Variants in DBT observed in about 807,000 individuals in gnomAD.
The protein encoded by DBT is dihydrolipoamide branched chain transacylase E2.
A neutral mutation model predicts 51.3 loss-of-function variants in DBT; 40 were observed. The ratio of observed to expected loss-of-function variants is 0.78; its 90% CI spans 0.61 to 1.02. The LOEUF (loss-of-function observed/expected upper bound fraction) is 1.02. Among genes scored for constraint, DBT ranks in the 50% least tolerant of loss-of-function variants. DBT has a pLI of 0.00. For synonymous variants in DBT, 181 were observed against 190.4 expected (o/e 0.95, Z 0.41); for missense variants, 510 against 580.2 (o/e 0.88, Z 1.24).
intron 1 of DBT, among the ~76,000 whole-genome samples, chr1:100,246,133 G>C (rs1222075486): frequency 6.6e-6 from 1 of 151,472 alleles, no homozygotes; most frequent in African/African-American, 2.4e-5. Flanking sequence ...ATGGTGGCGC[G>C]TGCCTGCCCA....
intron 7 of DBT, among the ~76,000 whole-genome samples, chr1:100,211,293 C>T (rs1448731210): frequency 6.6e-6 from 1 of 152,204 alleles, no homozygotes; most frequent in Non-Finnish European, 1.5e-5. Context: ...GCTCAAGTCT[C>T]ACTGAATAGC....
At position 100,196,429 on chromosome 1, in the gene DBT, AT is replaced by A. The variant is rs1661097479; in HGVS notation, c.1282-8del. 1.5e-6 allele frequency: 1 copy of A among 676,038 alleles called. No homozygotes were observed. Among genetic ancestry groups the A allele is most frequent in the Non-Finnish European group, 2.0e-6 (1 of 492,772 alleles). 41.9% of individuals were successfully genotyped at this position (676,038 alleles called of 1,614,324 possible). On this transcript the variant is annotated splice_region_variant and splice_polypyrimidine_tract_variant and intron_variant, in intron 10 of 10. Coordinates refer to ENST00000370132, the MANE Select transcript of DBT (RefSeq NM_001918.5). Reference sequence around the variant, plus strand: ...GGTTAAATCGGGGAATGGCCTAGAAATGAAAAAAAAAAAAAAAAAAAAAAAA... The same window carrying A: ...GGTTAAATCGGGGAATGGCCTAGAAAGAAAAAAAAAAAAAAAAAAAAAAAA...
In DBT at chr1:100,225,039, A is replaced by AAAAT. The variant is rs1663090380; in HGVS notation, c.433+5693_433+5694insATTT. 1.8e-5 allele frequency among the ~76,000 whole-genome samples: 2 copies of AAAAT among 110,430 alleles called. 1 individual carries two copies. The highest frequency in any genetic ancestry group is 7.6e-5 in the African/African-American group (2 of 26,236). The allele number at this position is 110,430 out of a possible 152,430, so 72.4% of individuals were successfully genotyped here. A position where few individuals can be genotyped will look rare whatever the true frequency, so the allele number is the denominator to read the frequency against. On this transcript the variant is annotated intron_variant, in intron 4 of 10. Transcript: ENST00000370132. Reference sequence around the variant, plus strand: ...TCTCCCCCCAAAAAAAAAAAAAAAAAAAAATATATATATACACACACACAC... The same window carrying AAAAT: ...TCTCCCCCCAAAAAAAAAAAAAAAAAAAATAAAATATATATATACACACACACAC...
At chr1:100,211,868 C>T (rs1662166048) in intron 7 of DBT, among the ~76,000 whole-genome samples, 1 of 152,160 alleles carries the variant, frequency 6.6e-6, no homozygotes, top group Admixed American at 6.5e-5. Flanking sequence ...ACGTCCTTGG[C>T]TCGAGTGACC....
At chr1:100,204,774 C>T (rs775722180) in intron 10 of DBT, among the ~76,000 whole-genome samples, 21 of 151,954 alleles carry the variant, frequency 1.4e-4, no homozygotes, top group South Asian at 8.3e-4. Flanking sequence ...CCAATGGAAC[C>T]GCACAGGGGC....
intron 1 of DBT, among the ~76,000 whole-genome samples, chr1:100,244,374 G>A (rs912966621): frequency 2.0e-5 from 3 of 152,144 alleles, no homozygotes; most frequent in African/African-American, 7.2e-5. Flanking sequence ...TCAGTATAAG[G>A]AGTTTGAACT....
intron 8 of DBT, among the ~76,000 whole-genome samples, chr1:100,209,719 G>A (rs1012633891): frequency 2.6e-5 from 4 of 151,914 alleles, no homozygotes; most frequent in Non-Finnish European, 5.9e-5. Flanking sequence ...TGGCCACCAC[G>A]GCTGGCTAAT....
intron 10 of DBT, among the ~76,000 whole-genome samples, chr1:100,205,973 T>C (rs767014640): frequency 2.0e-4 from 30 of 151,000 alleles, no homozygotes; most frequent in Non-Finnish European, 4.0e-4. Flanking sequence ...AAATACCTAA[T>C]GTAGATGACG....
intron 4 of DBT, among the ~76,000 whole-genome samples, chr1:100,226,631 C>T (rs1438822764): frequency 6.6e-6 from 1 of 152,088 alleles, no homozygotes; most frequent in Non-Finnish European, 1.5e-5. Flanking sequence ...ATAGGAAGCA[C>T]CCCTAACGCC....
intron 8 of DBT, among the ~76,000 whole-genome samples, chr1:100,207,563 T>C (rs1436003746): frequency 6.6e-6 from 1 of 151,862 alleles, no homozygotes; most frequent in Non-Finnish European, 1.5e-5. Context: ...GGCTCATGCC[T>C]ATAATCCCAA....
chr1:100,208,480 A>C (rs948593406), intron 8 of DBT, among the ~76,000 whole-genome samples: 1 of 152,226 alleles, frequency 6.6e-6, no homozygotes, highest in South Asian at 2.1e-4. Flanking sequence ...ATACACAGGG[A>C]TGTTGAGTAC....
chr1:100,225,345 A>G (rs4536026), intron 4 of DBT, among the ~76,000 whole-genome samples: 120,584 of 151,726 alleles, frequency 0.79, 49,295 homozygotes, highest in East Asian at 0.95. Context: ...GAGTGGTGGG[A>G]TCTGGCTTCT....
chr1:100,189,692 TCA>T lies in DBT; in HGVS notation c.*6561_*6562del, dbSNP rs1243901806. 1 of 152,202 alleles carries T rather than the reference TCA, an allele frequency of 6.6e-6. No individual in the cohort carries two copies. The highest frequency in any genetic ancestry group is 6.5e-5 in the Admixed American group (1 of 15,270). 9.4% of individuals were successfully genotyped at this position (152,202 alleles called of 1,614,324 possible). ...AGAAGGAGCAAGACAGGAAATTTAT[TCA>T]TTTAGTGGCAGTCAGAGGTAACAAT... On this transcript the variant is annotated 3_prime_UTR_variant, in exon 11 of 11. Coordinates refer to ENST00000370132, the MANE Select transcript of DBT (RefSeq NM_001918.5).
At position 100,197,623 on chromosome 1, in the gene DBT, A is replaced by G. The variant is rs183753362; in HGVS notation, c.1282-1201T>C. 3.7e-4 allele frequency among the ~76,000 whole-genome samples: 56 copies of G among 152,324 alleles called. No individual in the cohort carries two copies. The East Asian group carries it at 8.7e-3, about 24-fold the overall frequency. On this transcript the variant is annotated intron_variant, in intron 10 of 10. Transcript: ENST00000370132. Reference sequence around the variant, plus strand: ...TCCTGGGGTGCTTCCATGTGCAGAGATTAGGAACATTAGGAGGTATGGGTA... The same window carrying G: ...TCCTGGGGTGCTTCCATGTGCAGAGGTTAGGAACATTAGGAGGTATGGGTA...
chr1:100,245,310 A>G (rs939127377), intron 1 of DBT, among the ~76,000 whole-genome samples: 16 of 151,152 alleles, frequency 1.1e-4, no homozygotes, highest in African/African-American at 3.9e-4. Context: ...TCAGTCTCCC[A>G]GAATGCTAGG....
At chr1:100,244,571 A>G (rs1265554276) in intron 1 of DBT, among the ~76,000 whole-genome samples, 2 of 152,192 alleles carry the variant, frequency 1.3e-5, no homozygotes, top group East Asian at 3.8e-4. Context: ...CCTTATGTGC[A>G]GTGGACACGT....
chr1:100,225,826 CAA>C (rs71084809), intron 4 of DBT, among the ~76,000 whole-genome samples: 2 of 86,894 alleles, frequency 2.3e-5, no homozygotes, highest in Admixed American at 1.6e-4. Flanking sequence ...CTCCATCTCA[CAA>C]AAAAAAAAAA....
At chr1:100,213,291 CCATGGACCACAAGA>C in intron 7 of DBT, 1 of 1,424,930 alleles carries the variant, frequency 7.0e-7, no homozygotes, top group Non-Finnish European at 9.1e-7. Context: ...AGCCGGGCCG[CCATGGACCACAAGA>C]CTCTGCTGCA....
At chr1:100,215,038 T>C (rs74943768) in intron 6 of DBT, 55 bp from the exon 7 acceptor site, 3 of 605,346 alleles carry the variant, frequency 5.0e-6, no homozygotes, top group Non-Finnish European at 4.6e-6. Context: ...CTCTTCATCC[T>C]TTTTTTTTTT....
Sources: allele counts gnomAD v4.1 joint callset (sites outside exome capture counted in the v4.1 genomes callset), GRCh38; gene constraint gnomAD v4.1.1; transcripts MANE v1.5; gene names NCBI Gene and HGNC (gene_info 2026-07-23, HGNC 2026-07-21).